B3GALT1: variants seen among roughly 807,000 people sequenced by gnomAD.
B3GALT1 encodes beta-1,3-galactosyltransferase 1.
B3GALT1 carries 10 observed loss-of-function variants against 23.2 expected under a neutral mutation model. The ratio of observed to expected loss-of-function variants is 0.43; its 90% CI spans 0.27 to 0.73. B3GALT1 has a LOEUF of 0.73. B3GALT1 is among the 30% of genes least tolerant of loss of function. The probability of loss-of-function intolerance (pLI) is 0.21; values close to 1 mark genes in which losing one functional copy is unlikely to be tolerated. For synonymous variants in B3GALT1, 156 were observed against 141.5 expected (o/e 1.10, Z -0.73); for missense variants, 299 against 405.4 (o/e 0.74, Z 2.25).
chr2:167,322,422 A>G (rs999209770), intron 1 of B3GALT1, among the ~76,000 whole-genome samples: 1 of 151,930 alleles, frequency 6.6e-6, no homozygotes, highest in African/African-American at 2.4e-5. Flanking sequence ...CATTTTAAAA[A>G]ATTAAAACTG....
At chr2:167,786,738 A>G (rs762336120) in intron 3 of B3GALT1, among the ~76,000 whole-genome samples, 4 of 152,190 alleles carry the variant, frequency 2.6e-5, no homozygotes, top group Non-Finnish European at 5.9e-5. Context: ...TTCAAAACCT[A>G]CTTTCTTAGC....
intron 3 of B3GALT1, among the ~76,000 whole-genome samples, chr2:167,701,522 A>G (rs1189003020): frequency 6.6e-6 from 1 of 152,214 alleles, no homozygotes; most frequent in African/African-American, 2.4e-5. Flanking sequence ...CAGCAGAGTA[A>G]TGAAGGCTGG....
intron 1 of B3GALT1, among the ~76,000 whole-genome samples, chr2:167,323,949 T>C (rs1255785529): frequency 6.6e-6 from 1 of 152,064 alleles, no homozygotes; most frequent in Non-Finnish European, 1.5e-5. Context: ...ATTGGCTCAG[T>C]TGCCCAATCC....
At chr2:167,759,714 C>G (rs1463754511) in intron 3 of B3GALT1, among the ~76,000 whole-genome samples, 1 of 152,086 alleles carries the variant, frequency 6.6e-6, no homozygotes, top group African/African-American at 2.4e-5. Context: ...GCTTCTCTCC[C>G]CATCCTGATG....
intron 2 of B3GALT1, among the ~76,000 whole-genome samples, chr2:167,580,990 T>A (rs975303458): frequency 1.3e-5 from 2 of 152,208 alleles, no homozygotes; most frequent in Non-Finnish European, 2.9e-5. Flanking sequence ...TTAAGTCTTT[T>A]GTTATAAACT....
intron 1 of B3GALT1, among the ~76,000 whole-genome samples, chr2:167,436,253 T>A (rs1296226542): frequency 6.6e-6 from 1 of 152,198 alleles, no homozygotes; most frequent in African/African-American, 2.4e-5. Flanking sequence ...GACTTCTTAC[T>A]TTTTGGAACT....
At chr2:167,834,712 A>T (rs186168616) in intron 4 of B3GALT1, among the ~76,000 whole-genome samples, 179 of 152,262 alleles carry the variant, frequency 1.2e-3, no homozygotes, top group African/African-American at 4.2e-3. Flanking sequence ...GGCTGGGCAC[A>T]GTGCCACACA....
intron 4 of B3GALT1, among the ~76,000 whole-genome samples, chr2:167,857,960 A>T (rs890523238): frequency 6.6e-6 from 1 of 152,176 alleles, no homozygotes; most frequent in Non-Finnish European, 1.5e-5. Flanking sequence ...AAGAAAAAAA[A>T]TCACAAAATC....
rs144450707 is a variant in B3GALT1, at chr2:167,657,050, GT to G, written c.-352+10089del. 9.5e-4 allele frequency among the ~76,000 whole-genome samples: 145 copies of G among 152,184 alleles called. 1 individual carries two copies. The highest frequency in any genetic ancestry group is 1.5e-3 in the Non-Finnish European group (101 of 67,994). ...AGGGCAATGATAGGGGAAAAAAATG[GT>G]TTTTCAACTGGTCAAGAGTGGTATC... On this transcript the variant is annotated intron_variant, in intron 3 of 4. Coordinates refer to ENST00000392690, the MANE Select transcript of B3GALT1 (RefSeq NM_020981.4).
At chr2:167,482,227 A>G (rs958515026) in intron 1 of B3GALT1, among the ~76,000 whole-genome samples, 2 of 152,168 alleles carry the variant, frequency 1.3e-5, no homozygotes, top group Non-Finnish European at 2.9e-5. Context: ...AACTCAAATG[A>G]ATAATATATC....
intron 2 of B3GALT1, among the ~76,000 whole-genome samples, chr2:167,610,928 G>A (rs57867121): frequency 0.79 from 90,694 of 114,172 alleles, 36,685 homozygotes; most frequent in Admixed American, 0.84. Context: ...AAAAAAAAAA[G>A]AGAGAGAGAG....
chr2:167,700,766 C>T (rs1031751510), intron 3 of B3GALT1, among the ~76,000 whole-genome samples: 2 of 152,048 alleles, frequency 1.3e-5, no homozygotes, highest in South Asian at 2.1e-4. Context: ...ACTACTATGG[C>T]GAATAGTGTG....
At chr2:167,792,187 A>G (rs1688450346) in intron 3 of B3GALT1, among the ~76,000 whole-genome samples, 1 of 152,216 alleles carries the variant, frequency 6.6e-6, no homozygotes, top group Admixed American at 6.5e-5. Flanking sequence ...GAGATACTAT[A>G]TACATTTCTC....
chr2:167,458,060 A>T (rs570033548), intron 1 of B3GALT1, among the ~76,000 whole-genome samples: 1 of 152,184 alleles, frequency 6.6e-6, no homozygotes, highest in East Asian at 1.9e-4. Flanking sequence ...TCACCATCCC[A>T]TCTCCATTAC....
chr2:167,701,097 CA>C (rs1381666190), intron 3 of B3GALT1, among the ~76,000 whole-genome samples: 2 of 151,954 alleles, frequency 1.3e-5, no homozygotes, highest in Non-Finnish European at 2.9e-5. Flanking sequence ...TTACAAAAGA[CA>C]AAAAACAAAT....
At chr2:167,704,803 A>T (rs1686944271) in intron 3 of B3GALT1, among the ~76,000 whole-genome samples, 1 of 152,182 alleles carries the variant, frequency 6.6e-6, no homozygotes, top group Non-Finnish European at 1.5e-5. Flanking sequence ...GTTATTAAAG[A>T]TCACAACTGG....
intron 4 of B3GALT1, among the ~76,000 whole-genome samples, chr2:167,845,181 G>T (rs951851504): frequency 6.6e-6 from 1 of 152,090 alleles, no homozygotes; most frequent in Non-Finnish European, 1.5e-5. Flanking sequence ...AAGACAAAGA[G>T]CATATAATCT....
chr2:167,388,221 T>C (rs1036593700), intron 1 of B3GALT1, among the ~76,000 whole-genome samples: 2 of 152,176 alleles, frequency 1.3e-5, no homozygotes, highest in African/African-American at 4.8e-5. Context: ...ATGAATATGG[T>C]GTGTAATTCA....
chr2:167,636,210 G>A (rs924048742), intron 2 of B3GALT1, among the ~76,000 whole-genome samples: 5 of 151,878 alleles, frequency 3.3e-5, no homozygotes, highest in Admixed American at 3.3e-4. Context: ...ACCATCACTG[G>A]TTCTACTCCT....
Sources: gnomAD v4.1 joint callset for allele counts (sites outside exome capture counted in the v4.1 genomes callset) on GRCh38, gnomAD v4.1.1 for gene constraint, MANE v1.5 for transcripts, NCBI Gene and HGNC (gene_info 2026-07-23, HGNC 2026-07-21) for gene names.